BRINP1: variants seen among roughly 807,000 people sequenced by gnomAD.
The protein encoded by BRINP1 is BMP/retinoic acid-inducible neural-specific protein 1.
BRINP1 carries 17 observed loss-of-function variants against 72.9 expected under a neutral mutation model. The ratio of observed to expected loss-of-function variants is 0.23; its 90% confidence interval spans 0.16 to 0.35. The LOEUF is 0.35. BRINP1 is among the 10% of genes least tolerant of loss of function. The pLI, the probability that BRINP1 is intolerant of heterozygous loss-of-function variation, is 1.00. For missense variants in BRINP1, 850 were observed against 1,001.6 expected (o/e 0.85, Z 2.04); for synonymous variants, 418 against 378.5 (o/e 1.10, Z -1.21).
At chr9:119,232,185 G>A (rs2118899278) in intron 5 of BRINP1, among the ~76,000 whole-genome samples, 2 of 152,166 alleles carry the variant, frequency 1.3e-5, no homozygotes, top group Middle Eastern at 6.8e-3. Flanking sequence ...AAATACTTTT[G>A]AGTTCATTAC....
intron 1 of BRINP1, among the ~76,000 whole-genome samples, chr9:119,347,775 T>C (rs1831465166): frequency 6.6e-6 from 1 of 152,110 alleles, no homozygotes; most frequent in African/African-American, 2.4e-5. Context: ...CCCGACCCCA[T>C]TACCATTCCC....
At chr9:119,336,174 C>T (rs1031893157) in intron 1 of BRINP1, among the ~76,000 whole-genome samples, 4 of 152,072 alleles carry the variant, frequency 2.6e-5, no homozygotes, top group African/African-American at 9.7e-5. Context: ...CTAAATTAAA[C>T]GGTCCTTAAA....
chr9:119,283,362 C>T (rs999770516), intron 2 of BRINP1: 28 of 170,250 alleles, frequency 1.6e-4, no homozygotes, highest in Non-Finnish European at 2.2e-4. Context: ...GGCAAGCCCT[C>T]TTGCTAACTT....
At chr9:119,192,834 A>C (rs1400517119) in intron 7 of BRINP1, among the ~76,000 whole-genome samples, 1 of 152,136 alleles carries the variant, frequency 6.6e-6, no homozygotes, top group African/African-American at 2.4e-5. Context: ...AGCCAAGATA[A>C]GGGAAGAAAC....
chr9:119,365,745 A>T (rs1831684139), intron 1 of BRINP1, among the ~76,000 whole-genome samples: 1 of 152,100 alleles, frequency 6.6e-6, no homozygotes, highest in Non-Finnish European at 1.5e-5. Flanking sequence ...AAAGATACTC[A>T]TTGCAGCCTG....
intron 1 of BRINP1, among the ~76,000 whole-genome samples, chr9:119,349,902 T>C (rs1831489760): frequency 6.6e-6 from 1 of 152,168 alleles, no homozygotes; most frequent in Admixed American, 6.5e-5. Context: ...CAGTTCCTCA[T>C]TTCTTTCTCC....
intron 7 of BRINP1, among the ~76,000 whole-genome samples, chr9:119,175,367 G>C (rs1829474601): frequency 6.6e-6 from 1 of 151,970 alleles, no homozygotes; most frequent in Non-Finnish European, 1.5e-5. Context: ...ACTGGGGTTT[G>C]TCAGGGGTTG....
At chr9:119,261,649 G>A (rs1431634699) in intron 2 of BRINP1, among the ~76,000 whole-genome samples, 2 of 152,052 alleles carry the variant, frequency 1.3e-5, no homozygotes, top group Non-Finnish European at 2.9e-5. Context: ...GGTATTTGAT[G>A]GCAATAGCCT....
At chr9:119,293,230 C>CT (rs544765916) in intron 2 of BRINP1, among the ~76,000 whole-genome samples, 73 of 151,540 alleles carry the variant, frequency 4.8e-4, no homozygotes, top group Non-Finnish European at 8.5e-4. Flanking sequence ...AATATATGTA[C>CT]TAAGATTATG....
At chr9:119,314,234 T>C (rs1317169580) in intron 1 of BRINP1, among the ~76,000 whole-genome samples, 1 of 152,228 alleles carries the variant, frequency 6.6e-6, no homozygotes, top group Non-Finnish European at 1.5e-5. Context: ...GGGGGTCTTA[T>C]GGCACAGTGG....
chr9:119,303,067 T>G (rs1441821042), intron 2 of BRINP1, among the ~76,000 whole-genome samples: 2 of 152,094 alleles, frequency 1.3e-5, no homozygotes, highest in African/African-American at 2.4e-5. Flanking sequence ...ACTTATTTCT[T>G]TCATATCATT....
At chr9:119,300,980 G>A (rs919813795) in intron 2 of BRINP1, among the ~76,000 whole-genome samples, 1 of 152,152 alleles carries the variant, frequency 6.6e-6, no homozygotes, top group African/African-American at 2.4e-5. Context: ...TACTAAACAG[G>A]TTCCTTTGTG....
chr9:119,339,549 A>C (rs1831387185), intron 1 of BRINP1, among the ~76,000 whole-genome samples: 1 of 152,242 alleles, frequency 6.6e-6, no homozygotes. Flanking sequence ...GAATGAATGC[A>C]TGAATATGAA....
At chr9:119,291,390 T>TG (rs775957032) in intron 2 of BRINP1, among the ~76,000 whole-genome samples, 5 of 152,216 alleles carry the variant, frequency 3.3e-5, no homozygotes, top group Non-Finnish European at 7.3e-5. Context: ...GGTCAGACTA[T>TG]GCTAATTAGA....
rs1392224732 is a variant in BRINP1, at chr9:119,168,125, G to A, written c.1245C>T (p.Cys415=). The A allele has an allele frequency of 6.2e-7, 1 of 1,605,370 alleles. No homozygotes were observed. Residue 415 remains cysteine, a synonymous_variant, in exon 8 of 8, where the codon TGC becomes TGT. Coordinates refer to ENST00000265922, the MANE Select transcript of BRINP1 (RefSeq NM_014618.3). Reference sequence around the variant, plus strand: ...GCTGGCACAGCGTGGTGCTGCCGTGGCACACGCAGCTCCGCTGGCTCTCCA... The same window carrying A: ...GCTGGCACAGCGTGGTGCTGCCGTGACACACGCAGCTCCGCTGGCTCTCCA... The part of the protein sequence containing the change: ...TFLESQRSCV[C]HGSTTLCQRP...
At chr9:119,243,123 C>T (rs989644541) in intron 3 of BRINP1, among the ~76,000 whole-genome samples, 14 of 151,880 alleles carry the variant, frequency 9.2e-5, no homozygotes, top group Non-Finnish European at 1.9e-4. Context: ...GGTAAACAAA[C>T]GTATGCCATG....
chr9:119,356,014 G>A (rs1831561160), intron 1 of BRINP1, among the ~76,000 whole-genome samples: 1 of 152,090 alleles, frequency 6.6e-6, no homozygotes, highest in South Asian at 2.1e-4. Flanking sequence ...CAGAAATAGA[G>A]ATAGAAATTA....
intron 5 of BRINP1, among the ~76,000 whole-genome samples, chr9:119,214,504 T>C (rs1829958852): frequency 6.6e-6 from 1 of 152,174 alleles, no homozygotes; most frequent in Non-Finnish European, 1.5e-5. Flanking sequence ...TATTCTTTAT[T>C]TCCTCAAGTG....
chr9:119,347,774 ATTACCATTCCCAAACCTAATAAACC>A (rs2119029759), intron 1 of BRINP1, among the ~76,000 whole-genome samples: 1 of 152,066 alleles, frequency 6.6e-6, no homozygotes, highest in African/African-American at 2.4e-5. Flanking sequence ...TCCCGACCCC[ATTACCATTCCCAAACCTAATAAACC>A]TTTTATTTTT....
Sources: gnomAD v4.1 joint callset for allele counts (sites outside exome capture counted in the v4.1 genomes callset) on GRCh38, gnomAD v4.1.1 for gene constraint, MANE v1.5 for transcripts, NCBI Gene and HGNC (gene_info 2026-07-23, HGNC 2026-07-21) for gene names.